Variants in IMMP2L observed in about 807,000 individuals in gnomAD.
IMMP2L encodes the protein mitochondrial inner membrane protease subunit 2.
IMMP2L carries 18 observed loss-of-function variants against 19.3 expected under a neutral mutation model. The observed-to-expected ratio is 0.93, with a 90% CI of 0.64 to 1.38. IMMP2L has a LOEUF of 1.38. Ranked by LOEUF, IMMP2L falls within the 40% of genes most tolerant of loss-of-function variation. IMMP2L has a pLI of 0.00. For synonymous variants in IMMP2L, 76 were observed against 73.0 expected, an observed-to-expected ratio of 1.04 and a Z score of -0.21; for missense variants, 233 against 218.2, an observed-to-expected ratio of 1.07 and a Z score of -0.43.
intron 5 of IMMP2L, among the ~76,000 whole-genome samples, chr7:110,882,615 A>T (rs1809801599): frequency 6.6e-6 from 1 of 151,984 alleles, no homozygotes; most frequent in Admixed American, 6.6e-5. Flanking sequence ...TCCTGACCTC[A>T]GGTGATCCAC....
chr7:110,850,373 T>TG lies in IMMP2L; in HGVS notation c.408+36219dup, dbSNP rs1210839533. Among the ~76,000 whole-genome samples, 7 of 152,248 alleles carry TG rather than the reference T, an allele frequency of 4.6e-5. No homozygotes were observed. The South Asian group carries it at 1.4e-3, about 32-fold the overall frequency. On this transcript the variant is annotated intron_variant, in intron 5 of 5. Coordinates refer to ENST00000405709, the MANE Select transcript of IMMP2L (RefSeq NM_032549.4). ...ACCACCTTTCTCCATGACAATGACC[T>TG]GGAAGTTACTGCCCCTTTCTTTAAA...
At chr7:111,257,644 T>A (rs763321725) in intron 3 of IMMP2L, among the ~76,000 whole-genome samples, 2 of 152,166 alleles carry the variant, frequency 1.3e-5, no homozygotes, top group African/African-American at 4.8e-5. Context: ...CACCTTTCTT[T>A]GCCCTACTGA....
intron 3 of IMMP2L, among the ~76,000 whole-genome samples, chr7:111,150,701 G>A (rs1276604076): frequency 3.3e-5 from 5 of 152,188 alleles, no homozygotes; most frequent in Admixed American, 3.3e-4. Context: ...AAATATGTAA[G>A]TGTGTCTACA....
intron 2 of IMMP2L, among the ~76,000 whole-genome samples, chr7:111,495,889 A>C (rs1205836690): frequency 6.6e-6 from 1 of 152,168 alleles, no homozygotes; most frequent in Admixed American, 6.5e-5. Context: ...CATACAATCT[A>C]CAACAGGTAA....
At chr7:111,481,594 TTA>T (rs1396688450) in intron 3 of IMMP2L, among the ~76,000 whole-genome samples, 1 of 150,640 alleles carries the variant, frequency 6.6e-6, no homozygotes, top group African/African-American at 2.5e-5. Flanking sequence ...TTTAAAAATA[TTA>T]TGTTTTTTTT....
At chr7:111,529,651 A>T (rs1233740888) in intron 1 of IMMP2L, among the ~76,000 whole-genome samples, 1 of 152,168 alleles carries the variant, frequency 6.6e-6, no homozygotes, top group Non-Finnish European at 1.5e-5. Flanking sequence ...GTAAGGCATA[A>T]AGTTAGTCAT....
At chr7:111,479,902 T>C (rs1842034411) in intron 3 of IMMP2L, among the ~76,000 whole-genome samples, 2 of 152,138 alleles carry the variant, frequency 1.3e-5, no homozygotes, top group South Asian at 2.1e-4. Flanking sequence ...ATAACTCCTA[T>C]GGTTACATTA....
chr7:110,966,754 A>G (rs935266724), intron 3 of IMMP2L, among the ~76,000 whole-genome samples: 14 of 152,002 alleles, frequency 9.2e-5, no homozygotes, highest in Non-Finnish European at 2.9e-5. Context: ...CTCAAAATCT[A>G]TATCTATATT....
At chr7:111,552,761 T>C (rs950724500) in intron 1 of IMMP2L, among the ~76,000 whole-genome samples, 1 of 152,128 alleles carries the variant, frequency 6.6e-6, no homozygotes, top group Non-Finnish European at 1.5e-5. Context: ...TCCACTCCCA[T>C]ACTGAATCAG....
intron 3 of IMMP2L, among the ~76,000 whole-genome samples, chr7:111,127,568 G>T (rs1217235163): frequency 2.6e-5 from 4 of 152,142 alleles, no homozygotes; most frequent in Admixed American, 2.6e-4. Context: ...AATTTCCAGT[G>T]AGAGAGAAAA....
chr7:111,400,693 C>T (rs371929380), intron 3 of IMMP2L, among the ~76,000 whole-genome samples: 4 of 151,982 alleles, frequency 2.6e-5, no homozygotes, highest in Admixed American at 1.3e-4. Flanking sequence ...CAGAAGATAT[C>T]GGTGATGTGA....
chr7:110,743,156 A>C (rs951707775), intron 5 of IMMP2L, among the ~76,000 whole-genome samples: 1 of 152,238 alleles, frequency 6.6e-6, no homozygotes, highest in Non-Finnish European at 1.5e-5. Flanking sequence ...AAAATTAAAA[A>C]ATATGTTAAA....
intron 5 of IMMP2L, among the ~76,000 whole-genome samples, chr7:110,840,265 G>A (rs1199645414): frequency 2.0e-5 from 3 of 151,920 alleles, no homozygotes; most frequent in Admixed American, 6.6e-5. Context: ...TCGCCATCCC[G>A]GTTTTCTGTT....
At chr7:111,316,845 C>CTTTTTTTTTTTTT (rs869155077) in intron 3 of IMMP2L, among the ~76,000 whole-genome samples, 97 of 75,896 alleles carry the variant, frequency 1.3e-3, no homozygotes, top group African/African-American at 1.4e-3. Flanking sequence ...TTTTTTTTTT[C>CTTTTTTTTTTTTT]TTTTTTTTTT....
chr7:110,706,075 T>C (rs1156403805), intron 5 of IMMP2L, among the ~76,000 whole-genome samples: 1 of 152,122 alleles, frequency 6.6e-6, no homozygotes, highest in Non-Finnish European at 1.5e-5. Flanking sequence ...TCTAGATATA[T>C]ACCCAGTAAT....
chr7:111,267,915 T>C (rs147448882), intron 3 of IMMP2L, among the ~76,000 whole-genome samples: 1 of 152,140 alleles, frequency 6.6e-6, no homozygotes, highest in Non-Finnish European at 1.5e-5. Flanking sequence ...TTACAGAGTA[T>C]CTTTTTCAAA....
chr7:111,425,999 G>A (rs1268762852), intron 3 of IMMP2L, among the ~76,000 whole-genome samples: 1 of 150,984 alleles, frequency 6.6e-6, no homozygotes, highest in East Asian at 1.9e-4. Context: ...GTAATACAAC[G>A]TGATATACAT....
At chr7:111,482,414 C>T (rs986915557) in intron 3 of IMMP2L, among the ~76,000 whole-genome samples, 3 of 152,108 alleles carry the variant, frequency 2.0e-5, no homozygotes, top group Non-Finnish European at 4.4e-5. Flanking sequence ...TGAACACTGG[C>T]TCAATACAGT....
intron 3 of IMMP2L, among the ~76,000 whole-genome samples, chr7:111,297,096 T>C (rs1354633013): frequency 1.3e-5 from 2 of 152,044 alleles, no homozygotes; most frequent in East Asian, 3.9e-4. Context: ...AGGGCTAGAA[T>C]GAGGAATCTT....
Sources: allele counts gnomAD v4.1 joint callset (sites outside exome capture counted in the v4.1 genomes callset), GRCh38; gene constraint gnomAD v4.1.1; transcripts MANE v1.5; gene names NCBI Gene and HGNC (gene_info 2026-07-23, HGNC 2026-07-21).